The following CER1 variants were observed in gnomAD, a reference collection of about 807,000 sequenced individuals.
CER1 encodes cerberus 1, DAN family BMP antagonist.
Under a neutral mutation model 11.8 loss-of-function variants are expected in CER1, and 10 were observed. That is an observed-to-expected ratio of 0.85 (90% confidence interval 0.52 to 1.44). The LOEUF (loss-of-function observed/expected upper bound fraction) is 1.44. Among genes scored for constraint, CER1 ranks in the 40% most tolerant of loss-of-function variants. CER1 has a pLI of 0.00. For missense variants in CER1, 431 were observed against 327.0 expected, an observed-to-expected ratio of 1.32 and a Z score of -2.45; for synonymous variants, 141 against 122.3, an observed-to-expected ratio of 1.15 and a Z score of -1.01.
downstream of CER1, among the ~76,000 whole-genome samples, chr9:14,719,422 T>C (rs1279177605): frequency 6.6e-6 from 1 of 152,120 alleles, no homozygotes; most frequent in Admixed American, 6.5e-5. Context: ...GACTTAATCA[T>C]CAGATAGAAG....
At position 14,720,165 on chromosome 9, in the gene CER1, C is replaced by T; in HGVS notation, c.729G>A (p.Val243=). 6.2e-7 allele frequency: 1 copy of T among 1,614,204 alleles called. No homozygotes were observed. The highest frequency in any genetic ancestry group is 8.5e-7 in the Non-Finnish European group (1 of 1,180,050). Residue 243 remains valine, a synonymous_variant, in exon 2 of 2, where the codon GTG becomes GTA. Transcript: ENST00000380911. ...VMLVEECQCK[V]KTEHEDGHIL... is the part of the protein sequence containing the mutation. The stretch of plus-strand genomic sequence containing the variant: ...TGTGTCCATCTTCATGCTCCGTCTT[C>T]ACCTTGCACTGGCACTCCTCCACCA...
rs1476806352 is a variant in CER1, at chr9:14,720,106, G to A, written c.788C>T (p.Pro263Leu). Residue 263 changes from proline to leucine, a missense_variant, in exon 2 of 2, where the codon CCA (proline) becomes CTA (leucine). Transcript: ENST00000380911. ...GATAGCTCTTCAAGCTGAAACTCCTGGGATAAAGGAATCCTGGGAGCCAGC... is the reference window on the plus strand; with the variant it reads ...GATAGCTCTTCAAGCTGAAACTCCTAGGATAAAGGAATCCTGGGAGCCAGC... ...LHAGSQDSFI[P>L]GVSA 6.2e-7 allele frequency: 1 copy of A among 1,613,226 alleles called. No individual in the cohort carries two copies. The highest frequency in any genetic ancestry group is 8.5e-7 in the Non-Finnish European group (1 of 1,179,284).
At chr9:14,717,464 T>C (rs547885251), downstream of CER1, among the ~76,000 whole-genome samples, 20 of 152,278 alleles carry the variant, frequency 1.3e-4, 1 homozygote, top group South Asian at 4.1e-3. Flanking sequence ...AATTAATCCC[T>C]TGTAGTTTTA....
At position 14,719,974 on chromosome 9, in the gene CER1, G is replaced by C. The variant is rs1016929654; in HGVS notation, c.*116C>G. On this transcript the variant is annotated 3_prime_UTR_variant, in exon 2 of 2. Coordinates refer to ENST00000380911, the MANE Select transcript of CER1 (RefSeq NM_005454.3). Reference sequence around the variant, plus strand: ...CTCTATCGTTCTAATTTAAAACTACGTTTCAAGTCACCTTTCCCTGAAAAT... The same window carrying C: ...CTCTATCGTTCTAATTTAAAACTACCTTTCAAGTCACCTTTCCCTGAAAAT... 4.2e-5 allele frequency: 39 copies of C among 933,120 alleles called. No individual in the cohort carries two copies. Among genetic ancestry groups the C allele is most frequent in the Non-Finnish European group, 6.1e-5 (37 of 608,420 alleles). 57.8% of individuals were successfully genotyped at this position (933,120 alleles called of 1,614,324 possible).
At position 14,722,560 on chromosome 9, in the gene CER1, T is replaced by C. The variant is rs763740706; in HGVS notation, c.113A>G (p.Asn38Ser). The C allele has an allele frequency of 1.8e-5, 29 of 1,614,022 alleles. No individual in the cohort carries two copies. The African/African-American group carries it at 3.2e-4, about 18-fold the overall frequency. Residue 38 changes from asparagine (N) to serine (S), a missense_variant, in exon 1 of 2, where the codon AAT becomes AGT. By Grantham distance (46) the Asn-to-Ser change is conservative. Coordinates refer to ENST00000380911, the MANE Select transcript of CER1 (RefSeq NM_005454.3). ...SSLSPVLLPRNQRELPTGNHE... is the reference protein window; with the variant it reads ...SSLSPVLLPRSQRELPTGNHE... ...GTTGCCTGTGGGAAGCTCTCTTTGA[T>C]TCCTTGGCAGGAGTACGGGGGAAAG... is the stretch of plus-strand genomic sequence containing the variant.
rs201819453 is a variant in CER1, at chr9:14,722,182, G to A, written c.491C>T (p.Thr164Ile). The change falls in exon 1 of 2, where the codon ACA (threonine) becomes ATA (isoleucine). Residue 164 changes from threonine to isoleucine, a missense_variant. Thr to Ile is a moderately conservative substitution (Grantham distance 89). Transcript: ENST00000380911. ...SHEVHWETCRTVPFSQTITHE... is the reference protein window; with the variant it reads ...SHEVHWETCRIVPFSQTITHE... Reference sequence around the variant, plus strand: ...AACACATACCTGGCTGAAGGGCACTGTCCTGCAGGTCTCCCAATGTACTTC... The same window carrying A: ...AACACATACCTGGCTGAAGGGCACTATCCTGCAGGTCTCCCAATGTACTTC... 1 of 1,613,946 alleles carries A rather than the reference G, an allele frequency of 6.2e-7. No homozygotes were observed. Among genetic ancestry groups the A allele is most frequent in the East Asian group, 2.2e-5 (1 of 44,878 alleles).
chr9:14,720,884 C>G (rs1839999740), intron 1 of CER1, among the ~76,000 whole-genome samples: 1 of 152,142 alleles, frequency 6.6e-6, no homozygotes, highest in African/African-American at 2.4e-5. Flanking sequence ...AAGTTGTATG[C>G]AAGCAGAGTT....
downstream of CER1, chr9:14,719,587 C>CTTCCTTCCTTCCTTCT (rs1563780045): frequency 2.9e-5 from 4 of 136,516 alleles, no homozygotes; most frequent in East Asian, 4.2e-4. Context: ...TCCTTCCTTC[C>CTTCCTTCCTTCCTTCT]TTCCTTCCTT....
chr9:14,719,432 G>A (rs934637742), downstream of CER1, among the ~76,000 whole-genome samples: 3 of 152,164 alleles, frequency 2.0e-5, no homozygotes, highest in Admixed American at 2.0e-4. Context: ...TCAGATAGAA[G>A]TCAAGTAAAA....
downstream of CER1, among the ~76,000 whole-genome samples, chr9:14,719,346 A>T (rs1163560637): frequency 1.3e-5 from 2 of 152,226 alleles, no homozygotes; most frequent in Admixed American, 6.5e-5. Flanking sequence ...GACATTAAGT[A>T]CTTTATATGA....
At chr9:14,719,579 C>CTTCCTTCCTTCT (rs1839978565), downstream of CER1, 3 of 137,492 alleles carry the variant, frequency 2.2e-5, no homozygotes, top group East Asian at 2.0e-4. Flanking sequence ...TCCTTCCTTC[C>CTTCCTTCCTTCT]TTCCTTCCTT....
rs766311169 is a variant in CER1, at chr9:14,722,150, C to T, written c.507+16G>A. 3 of 1,602,894 alleles carry T rather than the reference C, an allele frequency of 1.9e-6. No individual in the cohort carries two copies. The highest frequency in any genetic ancestry group is 2.2e-5 in the South Asian group (2 of 89,050). On this transcript the variant is annotated intron_variant, in intron 1 of 1. Coordinates refer to ENST00000380911, the MANE Select transcript of CER1 (RefSeq NM_005454.3). ...CACCTGCAAACTCTTACCTGCTCTC[C>T]CCCCAGAACACATACCTGGCTGAAG...
chr9:14,717,512 T>C (rs1839954083), downstream of CER1, among the ~76,000 whole-genome samples: 1 of 152,156 alleles, frequency 6.6e-6, no homozygotes, highest in Non-Finnish European at 1.5e-5. Flanking sequence ...TTATGTACAC[T>C]TGATCATCAC....
Position 14,720,306 on chromosome 9 carries a change from A to G in CER1, c.588T>C (p.Pro196=), listed in dbSNP as rs145380330. ...AGGTATGGGAGTGCTGCGCGGCTCC[A>G]GGAAAATGAACAGACCCGCATTTCC... ...CFGKCGSVHF[P]GAAQHSHTSC... Residue 196 remains proline, a synonymous_variant, in exon 2 of 2, where the codon CCT becomes CCC. Coordinates refer to ENST00000380911, the MANE Select transcript of CER1 (RefSeq NM_005454.3). The G allele has an allele frequency of 1.1e-5, 17 of 1,613,998 alleles. No individual in the cohort carries two copies. Among genetic ancestry groups the G allele is most frequent in the South Asian group, 3.3e-5 (3 of 91,084 alleles).
rs768707197 is a variant in CER1 at position 14,722,678 on chromosome 9, C to A, written c.-6G>T. ...TGAAATAAGAGGAGATGCATGCTGT[C>A]AGGGGCCCAAGCTTCTTTTGTAAAT... On this transcript the variant is annotated 5_prime_UTR_variant, in exon 1 of 2. Transcript: ENST00000380911. The A allele has an allele frequency of 1.3e-5, 20 of 1,589,778 alleles. No homozygotes were observed. The highest frequency in any genetic ancestry group is 1.6e-5 in the Non-Finnish European group (19 of 1,176,254).
At position 14,720,174 on chromosome 9, in the gene CER1, C is replaced by T. The variant is rs889866195; in HGVS notation, c.720G>A (p.Gln240=). ...IKVVMLVEEC[Q]CKVKTEHEDG... Reference sequence around the variant, plus strand: ...CTTCATGCTCCGTCTTCACCTTGCACTGGCACTCCTCCACCAGCATCACCA... The same window carrying T: ...CTTCATGCTCCGTCTTCACCTTGCATTGGCACTCCTCCACCAGCATCACCA... The change falls in exon 2 of 2, where the codon CAG becomes CAA. Residue 240 remains glutamine, a synonymous_variant. Coordinates refer to ENST00000380911, the MANE Select transcript of CER1 (RefSeq NM_005454.3). 6.2e-7 allele frequency: 1 copy of T among 1,614,176 alleles called. No individual in the cohort carries two copies. Among genetic ancestry groups the T allele is most frequent in the Admixed American group, 1.7e-5 (1 of 60,028 alleles).
At chr9:14,718,068 T>G (rs1587560304), downstream of CER1, among the ~76,000 whole-genome samples, 1 of 152,214 alleles carries the variant, frequency 6.6e-6, no homozygotes, top group East Asian at 1.9e-4. Context: ...TGATTGAATA[T>G]GAGCAATTTT....
At chr9:14,717,619 A>G (rs1173706194), downstream of CER1, among the ~76,000 whole-genome samples, 1 of 152,174 alleles carries the variant, frequency 6.6e-6, no homozygotes, top group Non-Finnish European at 1.5e-5. Context: ...CAACGGAGTC[A>G]AGGAAATATT....
chr9:14,719,738 A>G lies in CER1; in HGVS notation c.*352T>C, dbSNP rs1197952692. 5.0e-6 allele frequency: 1 copy of G among 201,880 alleles called. No individual in the cohort carries two copies. The highest frequency in any genetic ancestry group is 2.3e-5 in the African/African-American group (1 of 44,162). 12.5% of individuals were successfully genotyped at this position (201,880 alleles called of 1,614,324 possible). A position where few individuals can be genotyped will look rare whatever the true frequency, so the allele number is the denominator to read the frequency against. ...TCGCTTATTTCTTTTCCTTCTTTAGATGGAGGGCTTTTACCCAAACTTGGA... is the reference window on the plus strand; with the variant it reads ...TCGCTTATTTCTTTTCCTTCTTTAGGTGGAGGGCTTTTACCCAAACTTGGA... On this transcript the variant is annotated 3_prime_UTR_variant, in exon 2 of 2. Transcript: ENST00000380911.
Sources: allele counts gnomAD v4.1 joint callset (sites outside exome capture counted in the v4.1 genomes callset), GRCh38; gene constraint gnomAD v4.1.1; transcripts MANE v1.5; gene names NCBI Gene and HGNC (gene_info 2026-07-23, HGNC 2026-07-21).